FRMPD1: variants seen among roughly 807,000 people sequenced by gnomAD.
FRMPD1 encodes the protein FERM and PDZ domain-containing protein 1.
FRMPD1 carries 76 observed loss-of-function variants against 117.8 expected under a neutral mutation model. The ratio of observed to expected loss-of-function variants is 0.65; its 90% CI spans 0.54 to 0.78. The LOEUF (loss-of-function observed/expected upper bound fraction) is 0.78, where lower values mean the gene tolerates loss of function less well. Ranked by LOEUF, FRMPD1 falls within the 30% of genes least tolerant of loss-of-function variation. The pLI is 0.00. For synonymous variants in FRMPD1, 783 were observed against 770.4 expected, an observed-to-expected ratio of 1.02 and a Z score of -0.27; for missense variants, 1,786 against 1,964.5, an observed-to-expected ratio of 0.91 and a Z score of 1.72.
chr9:37,712,197 T>C (rs889861900), intron 5 of FRMPD1, among the ~76,000 whole-genome samples: 2 of 152,108 alleles, frequency 1.3e-5, no homozygotes, highest in Non-Finnish European at 2.9e-5. Flanking sequence ...TTTCCGAATA[T>C]AATAAAATAG....
intron 1 of FRMPD1, among the ~76,000 whole-genome samples, chr9:37,673,038 C>T (rs1821408054): frequency 6.6e-6 from 1 of 152,180 alleles, no homozygotes; most frequent in Non-Finnish European, 1.5e-5. Flanking sequence ...ACCAATCATG[C>T]CTTCCCAATA....
chr9:37,724,273 A>C lies in FRMPD1; in HGVS notation c.565A>C (p.Asn189His). 1 of 1,605,790 alleles carries C rather than the reference A, an allele frequency of 6.2e-7. No individual in the cohort carries two copies. The highest frequency in any genetic ancestry group is 8.5e-7 in the Non-Finnish European group (1 of 1,172,372). Reference sequence around the variant, plus strand: ...CAACGTGCTCAAGCTATACTTGGAGAATGGACAGACCAAAGCTTTCAAGTT... The same window carrying C: ...CAACGTGCTCAAGCTATACTTGGAGCATGGACAGACCAAAGCTTTCAAGTT... ...MPNVLKLYLE[N>H]GQTKAFKFEA... is the part of the protein sequence containing the mutation. The change falls in exon 7 of 16, where the codon AAT becomes CAT. Residue 189 changes from asparagine (N) to histidine (H), a missense_variant. By Grantham distance (68) the Asn-to-His change is moderately conservative (BLOSUM62 1). Transcript: ENST00000377765.
chr9:37,665,514 G>A (rs1334773814), intron 1 of FRMPD1, among the ~76,000 whole-genome samples: 5 of 152,136 alleles, frequency 3.3e-5, no homozygotes, highest in African/African-American at 1.2e-4. Flanking sequence ...AGAAGTGAAA[G>A]CTTTGGGGGA....
intron 15 of FRMPD1, among the ~76,000 whole-genome samples, chr9:37,741,450 GACACACACACACACACACACACACAC>G (rs56971939): frequency 7.4e-6 from 1 of 135,634 alleles, no homozygotes; most frequent in Non-Finnish European, 1.6e-5. Context: ...ATCCTGGCAG[GACACACACACACACACACACACACAC>G]ACACACACAC....
Position 37,711,591 on chromosome 9 carries a change from A to G in FRMPD1, c.408+196A>G, listed in dbSNP as rs567916859. Among the ~76,000 whole-genome samples, 26 of 152,332 alleles carry G rather than the reference A, an allele frequency of 1.7e-4. No homozygotes were observed. In the South Asian group the frequency reaches 2.3e-3, roughly 13 times the overall value. ...TGCAAGTACTGTGGAGGAAACAGAT[A>G]TGGTGAAGGCCTCAAGAATTTATGG... is the stretch of plus-strand genomic sequence containing the variant. On this transcript the variant is annotated intron_variant, in intron 5 of 15. Coordinates refer to ENST00000377765, the MANE Select transcript of FRMPD1 (RefSeq NM_014907.3).
At chr9:37,738,630 C>T (rs989338442) in intron 14 of FRMPD1, among the ~76,000 whole-genome samples, 69 of 152,098 alleles carry the variant, frequency 4.5e-4, no homozygotes, top group African/African-American at 1.4e-3. Context: ...TGAGCCACGG[C>T]GCCCAGCCTG....
At chr9:37,705,602 A>G (rs1415948476) in intron 2 of FRMPD1, among the ~76,000 whole-genome samples, 1 of 152,172 alleles carries the variant, frequency 6.6e-6, no homozygotes, top group African/African-American at 2.4e-5. Context: ...TGTAATGTCA[A>G]ATGTTGATTT....
chr9:37,693,092 G>C, intron 2 of FRMPD1: 1 of 216,176 alleles, frequency 4.6e-6, no homozygotes, highest in Non-Finnish European at 9.3e-6. Flanking sequence ...ACACTCTTTT[G>C]ATCTCTCTCT....
intron 1 of FRMPD1, among the ~76,000 whole-genome samples, chr9:37,687,173 T>C (rs1229784276): frequency 3.3e-5 from 5 of 152,228 alleles, no homozygotes; most frequent in African/African-American, 1.2e-4. Flanking sequence ...CATTCCATGC[T>C]GGGATCTACC....
intron 5 of FRMPD1, 54 bp downstream of exon 5, chr9:37,711,449 C>T: frequency 7.7e-7 from 1 of 1,294,678 alleles, no homozygotes; most frequent in Non-Finnish European, 1.1e-6. Flanking sequence ...GGCCCTAAGA[C>T]CCTGTTCCCC....
At chr9:37,653,718 C>G (rs181832564) in intron 1 of FRMPD1, among the ~76,000 whole-genome samples, 6 of 152,216 alleles carry the variant, frequency 3.9e-5, no homozygotes, top group East Asian at 3.9e-4. Flanking sequence ...GGTACTGGCT[C>G]CCTTCTGTCT....
At chr9:37,679,829 CA>C (rs1821659767) in intron 1 of FRMPD1, among the ~76,000 whole-genome samples, 1 of 152,194 alleles carries the variant, frequency 6.6e-6, no homozygotes, top group South Asian at 2.1e-4. Flanking sequence ...AGGGTGGAGA[CA>C]AGGGGTTCAG....
intron 6 of FRMPD1, among the ~76,000 whole-genome samples, chr9:37,722,066 C>T (rs1183610224): frequency 6.6e-6 from 1 of 152,044 alleles, no homozygotes; most frequent in Non-Finnish European, 1.5e-5. Context: ...ACTGGGAAAC[C>T]CCAAAATTAA....
chr9:37,724,531 G>A (rs996712347), intron 7 of FRMPD1, among the ~76,000 whole-genome samples: 1 of 151,998 alleles, frequency 6.6e-6, no homozygotes, highest in African/African-American at 2.4e-5. Flanking sequence ...CTGGGTGGGG[G>A]TTAAGGGGTG....
At chr9:37,630,973 T>C in the FRMPD1 span, among the ~76,000 whole-genome samples, 24 of 152,224 alleles carry the variant, frequency 1.6e-4, 1 homozygote, top group African/African-American at 2.4e-5. Flanking sequence ...GAGCACACAT[T>C]CTAGTGACAC....
chr9:37,641,866 CA>C, the FRMPD1 span, among the ~76,000 whole-genome samples: 1 of 152,158 alleles, frequency 6.6e-6, no homozygotes, highest in African/African-American at 2.4e-5. Context: ...CTGTACTCTA[CA>C]AGGGGCTTCT....
At chr9:37,653,961 T>TA (rs1035977196) in intron 1 of FRMPD1, among the ~76,000 whole-genome samples, 2 of 151,766 alleles carry the variant, frequency 1.3e-5, no homozygotes, top group African/African-American at 2.4e-5. Context: ...ACTCCATCTC[T>TA]AAAAAAAAGA....
chr9:37,746,657 G>A lies in FRMPD1; in HGVS notation c.4625G>A (p.Cys1542Tyr). The A allele has an allele frequency of 6.2e-7, 1 of 1,614,136 alleles. No individual in the cohort carries two copies. The highest frequency in any genetic ancestry group is 8.5e-7 in the Non-Finnish European group (1 of 1,179,968). Residue 1542 changes from cysteine (C) to tyrosine (Y), a missense_variant, in exon 16 of 16, where the codon TGC becomes TAC. Physicochemically the swap from Cys to Tyr is radical, Grantham distance 194. Transcript: ENST00000377765. ...HQFIEAAKST[C>Y]ERGYHDLSVK... ...TTTATAGAGGCTGCTAAATCGACCT[G>A]CGAGAGAGGCTACCACGACCTGAGT... is the stretch of plus-strand genomic sequence containing the variant.
rs1024453314 is a variant in FRMPD1 at position 37,724,207 on chromosome 9, T to A, written c.517-18T>A. The A allele has an allele frequency of 1.5e-6, 2 of 1,335,702 alleles. No homozygotes were observed. The highest frequency in any genetic ancestry group is 2.2e-6 in the Non-Finnish European group (2 of 926,214). The allele number at this position is 1,335,702 out of a possible 1,614,324, so 82.7% of individuals were successfully genotyped here. A position where few individuals can be genotyped will look rare whatever the true frequency, so the allele number is the denominator to read the frequency against. On this transcript the variant is annotated intron_variant, in intron 6 of 15. Coordinates refer to ENST00000377765, the MANE Select transcript of FRMPD1 (RefSeq NM_014907.3). ...ATAAAAAAAGACAGGGATACAACAA[T>A]ACTCTTGTGTTTTCCAGGGTAATTC...
Sources: gnomAD v4.1 joint callset for allele counts (sites outside exome capture counted in the v4.1 genomes callset) on GRCh38, gnomAD v4.1.1 for gene constraint, MANE v1.5 for transcripts, NCBI Gene and HGNC (gene_info 2026-07-23, HGNC 2026-07-21) for gene names.